PPP2R2C: variants seen among roughly 807,000 people sequenced by gnomAD.
The protein encoded by PPP2R2C is protein phosphatase 2, regulatory subunit B, gamma.
In PPP2R2C, 10 loss-of-function variants were observed where a neutral mutation model predicts 45.3. The observed-to-expected ratio is 0.22, with a 90% CI of 0.14 to 0.37. PPP2R2C has a LOEUF of 0.37. PPP2R2C is among the 10% of genes least tolerant of loss of function. The probability of loss-of-function intolerance (pLI) is 1.00; values close to 1 mark genes in which losing one functional copy is unlikely to be tolerated. For synonymous variants in PPP2R2C, 257 were observed against 245.4 expected, an observed-to-expected ratio of 1.05 and a Z score of -0.44; for missense variants, 308 against 619.7, an observed-to-expected ratio of 0.50 and a Z score of 5.34.
chr4:6,433,774 C>T (rs549992208), intron 1 of PPP2R2C, among the ~76,000 whole-genome samples: 6 of 152,332 alleles, frequency 3.9e-5, no homozygotes, highest in South Asian at 2.1e-4. Context: ...ACCATTGTTA[C>T]ATCCATCTGA....
intron 1 of PPP2R2C, among the ~76,000 whole-genome samples, chr4:6,417,005 C>T (rs1286613216): frequency 6.6e-6 from 1 of 152,234 alleles, no homozygotes; most frequent in African/African-American, 2.4e-5. Flanking sequence ...CTACCCCCTG[C>T]TCCCTCCACA....
intron 1 of PPP2R2C, among the ~76,000 whole-genome samples, chr4:6,418,134 C>T (rs1372469610): frequency 6.6e-6 from 1 of 152,140 alleles, no homozygotes; most frequent in African/African-American, 2.4e-5. Flanking sequence ...ATCATAGCAA[C>T]CTACAGACGG....
At chr4:6,504,148 A>G (rs2108796432) in intron 2 of PPP2R2C, among the ~76,000 whole-genome samples, 1 of 152,346 alleles carries the variant, frequency 6.6e-6, no homozygotes, top group African/African-American at 2.4e-5. Flanking sequence ...GGAATCTGGC[A>G]GGGAATGAGG....
intron 1 of PPP2R2C, among the ~76,000 whole-genome samples, chr4:6,443,810 A>C (rs577462778): frequency 8.3e-5 from 12 of 144,564 alleles, no homozygotes; most frequent in African/African-American, 3.1e-4. Flanking sequence ...CATCTGGTCC[A>C]AGGGCTGCAA....
intron 1 of PPP2R2C, among the ~76,000 whole-genome samples, chr4:6,464,940 G>A (rs1462964703): frequency 1.3e-5 from 2 of 149,446 alleles, no homozygotes; most frequent in Non-Finnish European, 3.0e-5. Flanking sequence ...AGGGAAGGGA[G>A]GGAACTAAAT....
At chr4:6,415,297 G>A (rs921722052) in intron 1 of PPP2R2C, among the ~76,000 whole-genome samples, 7 of 152,340 alleles carry the variant, frequency 4.6e-5, no homozygotes, top group East Asian at 3.9e-4. Context: ...TCAGACCACC[G>A]GCCGTTTCAA....
intron 1 of PPP2R2C, among the ~76,000 whole-genome samples, chr4:6,550,186 G>T (rs1725137044): frequency 6.6e-6 from 1 of 152,034 alleles, no homozygotes; most frequent in South Asian, 2.1e-4. Context: ...CCCACTGGTG[G>T]AATGAGATGG....
intron 1 of PPP2R2C, among the ~76,000 whole-genome samples, chr4:6,385,392 G>A (rs1203729280): frequency 6.6e-6 from 1 of 152,098 alleles, no homozygotes; most frequent in African/African-American, 2.4e-5. Context: ...ATTCTCATCA[G>A]TAAGGCCATA....
Position 6,381,709 on chromosome 4 carries a change from T to A in PPP2R2C, c.71-615A>T, listed in dbSNP as rs1312370743. On this transcript the variant is annotated intron_variant, in intron 1 of 8. Transcript: ENST00000382599. ...CAGCCCTGCCTGCCCTGACCCTCCCTGCACTTCATCCCAACCATGTTTCTT... is the reference window on the plus strand; with the variant it reads ...CAGCCCTGCCTGCCCTGACCCTCCCAGCACTTCATCCCAACCATGTTTCTT... 177 of 1,566,962 alleles carry A rather than the reference T, an allele frequency of 1.1e-4. 1 individual carries two copies. The highest frequency in any genetic ancestry group is 1.5e-4 in the Non-Finnish European group (173 of 1,157,498).
chr4:6,344,996 C>G (rs572425679), intron 6 of PPP2R2C, among the ~76,000 whole-genome samples: 1 of 152,188 alleles, frequency 6.6e-6, no homozygotes, highest in African/African-American at 2.4e-5. Flanking sequence ...CTTCAAGGAG[C>G]AGATATATTA....
chr4:6,364,842 G>A lies in PPP2R2C; in HGVS notation c.625+7681C>T, dbSNP rs1472117569. On this transcript the variant is annotated intron_variant, in intron 5 of 8. Coordinates refer to ENST00000382599, the MANE Select transcript of PPP2R2C (RefSeq NM_020416.4). This position sits in a 1 kb window ranked among gnomAD's most constrained non-coding sequence, Gnocchi z 5.3. The stretch of plus-strand genomic sequence containing the variant: ...AGACAGTGGCCTAAACACATGCTGG[G>A]GGCAGACAGGCAGGTGGGCTCTGGG... 1.3e-5 allele frequency among the ~76,000 whole-genome samples: 2 copies of A among 152,120 alleles called. No homozygotes were observed. Among genetic ancestry groups the A allele is most frequent in the Non-Finnish European group, 2.9e-5 (2 of 68,024 alleles).
intron 2 of PPP2R2C, among the ~76,000 whole-genome samples, chr4:6,487,141 T>C (rs1722554901): frequency 6.6e-6 from 1 of 152,074 alleles, no homozygotes; most frequent in African/African-American, 2.4e-5. Context: ...ATACTTCTAT[T>C]CTCCCCTCTC....
chr4:6,551,519 G>T (rs780567436), intron 1 of PPP2R2C, among the ~76,000 whole-genome samples: 1 of 152,200 alleles, frequency 6.6e-6, no homozygotes, highest in Non-Finnish European at 1.5e-5. Flanking sequence ...TGAGTCTGGT[G>T]GGCCTGTGAC....
chr4:6,428,874 C>T (rs570943234), intron 1 of PPP2R2C, among the ~76,000 whole-genome samples: 3 of 152,358 alleles, frequency 2.0e-5, no homozygotes, highest in East Asian at 3.9e-4. Flanking sequence ...GAGCGGGTTT[C>T]GAACCCAGGT....
rs1205943579 is a variant in PPP2R2C, at chr4:6,322,781, C to A, written c.*521G>T. The stretch of plus-strand genomic sequence containing the variant: ...TGAGGTCATCAGCTCTGAGACAGGG[C>A]GAATTGCCCCATTTATAACCAAAAG... On this transcript the variant is annotated 3_prime_UTR_variant, in exon 9 of 9. Transcript: ENST00000382599. The surrounding 1 kb of genome is among the most constrained non-coding windows in gnomAD (Gnocchi z 7.8). 1 of 152,406 alleles carries A rather than the reference C, an allele frequency of 6.6e-6. No individual in the cohort carries two copies. The highest frequency in any genetic ancestry group is 2.4e-5 in the African/African-American group (1 of 41,422). The allele number at this position is 152,406 out of a possible 1,614,324, so 9.4% of individuals were successfully genotyped here. A position where few individuals can be genotyped will look rare whatever the true frequency, so the allele number is the denominator to read the frequency against.
At chr4:6,355,963 G>A (rs1307058109) in intron 5 of PPP2R2C, among the ~76,000 whole-genome samples, 3 of 139,752 alleles carry the variant, frequency 2.1e-5, no homozygotes, top group East Asian at 2.2e-4. Flanking sequence ...CACGTATTCC[G>A]GCCTGGGTGA....
chr4:6,468,945 C>T, intron 1 of PPP2R2C, among the ~76,000 whole-genome samples: 1 of 151,864 alleles, frequency 6.6e-6, no homozygotes, highest in East Asian at 1.9e-4. Flanking sequence ...AGCTGCACTG[C>T]TCTCCCCACA....
chr4:6,433,168 G>A (rs1414579033), intron 1 of PPP2R2C, among the ~76,000 whole-genome samples: 2 of 152,142 alleles, frequency 1.3e-5, no homozygotes, highest in Non-Finnish European at 2.9e-5. Context: ...TTGTATGTGG[G>A]TTTTTGACTG....
At chr4:6,407,322 C>T (rs1481883240) in intron 1 of PPP2R2C, among the ~76,000 whole-genome samples, 12 of 152,242 alleles carry the variant, frequency 7.9e-5, no homozygotes, top group Non-Finnish European at 1.6e-4. Context: ...GGACACAAGT[C>T]AGGATGAATG....
Sources: gnomAD v4.1 joint callset for allele counts (sites outside exome capture counted in the v4.1 genomes callset) on GRCh38, gnomAD v4.1.1 for gene constraint, Gnocchi (gnomAD v3.1) non-coding constraint, MANE v1.5 for transcripts, NCBI Gene and HGNC (gene_info 2026-07-23, HGNC 2026-07-21) for gene names.